KMT2C: variants seen among roughly 807,000 people sequenced by gnomAD.
KMT2C encodes histone-lysine N-methyltransferase 2C.
KMT2C carries 88 observed loss-of-function variants against 507.9 expected under a neutral mutation model. The observed-to-expected ratio is 0.17, with a 90% CI of 0.15 to 0.21. KMT2C has a LOEUF of 0.21. Among genes scored for constraint, KMT2C ranks in the 10% least tolerant of loss-of-function variants. The pLI, the probability that KMT2C is intolerant of heterozygous loss-of-function variation, is 1.00. For synonymous variants in KMT2C, 2,049 were observed against 2,080.8 expected (o/e 0.98, Z 0.42); for missense variants, 4,954 against 5,957.8 (o/e 0.83, Z 5.55).
intron 2 of KMT2C, among the ~76,000 whole-genome samples, chr7:152,352,557 A>G (rs2097122385): frequency 6.6e-6 from 1 of 152,196 alleles, no homozygotes; most frequent in African/African-American, 2.4e-5. Context: ...CCGGATGCCC[A>G]GCTTTAAAAT....
At chr7:152,343,876 T>C (rs2097024837) in intron 2 of KMT2C, among the ~76,000 whole-genome samples, 3 of 152,284 alleles carry the variant, frequency 2.0e-5, no homozygotes, top group African/African-American at 7.2e-5. Flanking sequence ...TCAGATGACC[T>C]ACCTTGCAAG....
chr7:152,196,327 A>G (rs1178961626), intron 27 of KMT2C, among the ~76,000 whole-genome samples: 2 of 152,254 alleles, frequency 1.3e-5, no homozygotes, highest in African/African-American at 4.8e-5. Context: ...TTTTTCATTA[A>G]GAAAGTGGCA....
Position 152,330,719 on chromosome 7 carries a change from C to T in KMT2C, c.271G>A (p.Glu91Lys). ...VETEIKEQSA[E>K]EDAEAEVDNS... is the part of the protein sequence containing the mutation. Reference sequence around the variant, plus strand: ...TCCACTTCTGCTTCAGCATCCTCTTCTGCAGATTGTTCTTTGATTTCTGCT... The same window carrying T: ...TCCACTTCTGCTTCAGCATCCTCTTTTGCAGATTGTTCTTTGATTTCTGCT... Residue 91 changes from glutamate (E) to lysine (K), a missense_variant, in exon 3 of 59, where the codon GAA becomes AAA. By Grantham distance (56) the Glu-to-Lys change is moderately conservative. This residue lies in a region of KMT2C where 233 missense variants were observed against 263.6 expected (regional missense o/e 0.88). Coordinates refer to ENST00000262189, the MANE Select transcript of KMT2C (RefSeq NM_170606.3). 6.2e-7 allele frequency: 1 copy of T among 1,613,972 alleles called. No homozygotes were observed. The highest frequency in any genetic ancestry group is 8.5e-7 in the Non-Finnish European group (1 of 1,179,926).
chr7:152,418,605 TA>T (rs1225685903), intron 1 of KMT2C, among the ~76,000 whole-genome samples: 1 of 151,786 alleles, frequency 6.6e-6, no homozygotes, highest in Non-Finnish European at 1.5e-5. Flanking sequence ...CTAATTTTTG[TA>T]TTTTTAGTAC....
intron 7 of KMT2C, among the ~76,000 whole-genome samples, chr7:152,267,879 T>A (rs2095884112): frequency 6.6e-6 from 1 of 152,176 alleles, no homozygotes; most frequent in African/African-American, 2.4e-5. Flanking sequence ...CATGGTGGGT[T>A]GTCTGCCATG....
chr7:152,385,469 G>A (rs1398422230), intron 1 of KMT2C, among the ~76,000 whole-genome samples: 8 of 131,854 alleles, frequency 6.1e-5, no homozygotes, highest in South Asian at 4.7e-4. Context: ...AAAATTAGCC[G>A]GGCGTAGTGG....
intron 2 of KMT2C, among the ~76,000 whole-genome samples, chr7:152,349,316 T>C (rs547082259): frequency 1.3e-5 from 2 of 152,000 alleles, no homozygotes; most frequent in East Asian, 1.9e-4. Context: ...TGGTGGTGCA[T>C]GCCTGTAATA....
intron 1 of KMT2C, among the ~76,000 whole-genome samples, chr7:152,421,573 G>A (rs2116734913): frequency 6.6e-6 from 1 of 152,276 alleles, no homozygotes; most frequent in Non-Finnish European, 1.5e-5. Context: ...AAAAAAGAAT[G>A]AAATGATCCT....
intron 6 of KMT2C, among the ~76,000 whole-genome samples, chr7:152,293,785 A>G (rs1360686836): frequency 6.6e-6 from 1 of 152,220 alleles, no homozygotes; most frequent in East Asian, 1.9e-4. Flanking sequence ...TTTCTAAAAC[A>G]AATTTTTCAG....
At chr7:152,321,261 A>G (rs1190284233) in intron 3 of KMT2C, among the ~76,000 whole-genome samples, 4 of 151,920 alleles carry the variant, frequency 2.6e-5, no homozygotes, top group Admixed American at 2.6e-4. Context: ...AAATAAATAA[A>G]TTTGGAAACT....
intron 1 of KMT2C, among the ~76,000 whole-genome samples, chr7:152,414,659 C>T (rs1413216983): frequency 1.3e-5 from 2 of 151,070 alleles, no homozygotes; most frequent in Admixed American, 1.3e-4. Flanking sequence ...TCATGCCTGG[C>T]TCATTTTTGT....
rs2096952819 is a variant in KMT2C, at chr7:152,337,912, A to G, written c.251-7173T>C. Among the ~76,000 whole-genome samples the G allele has an allele frequency of 2.0e-5, 3 of 150,934 alleles. 1 individual carries two copies. In the Middle Eastern group the frequency reaches 0.01, roughly 513 times the overall value. ...CGCTCTGCCGCCCAGGCTGGAGTGCAGTGGCGCGATCTCAGCTCACTGAAA... is the reference window on the plus strand; with the variant it reads ...CGCTCTGCCGCCCAGGCTGGAGTGCGGTGGCGCGATCTCAGCTCACTGAAA... On this transcript the variant is annotated intron_variant, in intron 2 of 58. Coordinates refer to ENST00000262189, the MANE Select transcript of KMT2C (RefSeq NM_170606.3).
intron 38 of KMT2C, 48 bp from the exon 39 acceptor site, chr7:152,174,290 G>A (rs12537188): frequency 5.9e-5 from 53 of 896,692 alleles, no homozygotes; most frequent in Admixed American, 1.3e-4. Context: ...TTAGTTCAAC[G>A]TACACTAAGA....
At chr7:152,296,552 C>G (rs966562226) in intron 6 of KMT2C, among the ~76,000 whole-genome samples, 7 of 151,846 alleles carry the variant, frequency 4.6e-5, no homozygotes, top group Admixed American at 3.3e-4. Flanking sequence ...CTTTCTGCCT[C>G]TGAATGCTAT....
At chr7:152,156,454 A>C in intron 44 of KMT2C, 108 bp from the exon 45 acceptor site, 2 of 1,374,078 alleles carry the variant, frequency 1.5e-6, no homozygotes, top group South Asian at 2.9e-5. Context: ...AGGCTACAGA[A>C]ATGTAATCAA....
chr7:152,152,155 C>T (rs1035645848), intron 49 of KMT2C, among the ~76,000 whole-genome samples: 13 of 152,154 alleles, frequency 8.5e-5, no homozygotes, highest in Admixed American at 2.0e-4. Context: ...GGACTGAGCA[C>T]GCCTGTAAGA....
At chr7:152,348,974 T>C (rs982591994) in intron 2 of KMT2C, among the ~76,000 whole-genome samples, 2 of 152,254 alleles carry the variant, frequency 1.3e-5, no homozygotes, top group Non-Finnish European at 1.5e-5. Flanking sequence ...TCCAAATGAG[T>C]TGAAAACTTA....
intron 2 of KMT2C, among the ~76,000 whole-genome samples, chr7:152,357,605 A>G (rs1034470880): frequency 6.6e-6 from 1 of 152,090 alleles, no homozygotes; most frequent in African/African-American, 2.4e-5. Context: ...GTAACAATAT[A>G]TAGTACAGAA....
intron 42 of KMT2C, among the ~76,000 whole-genome samples, chr7:152,164,624 C>G (rs1031263977): frequency 6.6e-6 from 1 of 152,078 alleles, no homozygotes; most frequent in Non-Finnish European, 1.5e-5. Flanking sequence ...ATTACCAGCA[C>G]GAATATCACA....
Sources: gnomAD v4.1 joint callset for allele counts (sites outside exome capture counted in the v4.1 genomes callset) on GRCh38, gnomAD v4.1.1 for gene constraint, gnomAD v4.1.1 regional missense constraint, MANE v1.5 for transcripts, NCBI Gene and HGNC (gene_info 2026-07-23, HGNC 2026-07-21) for gene names.